The following GALNTL6 variants were observed in gnomAD, a reference collection of about 807,000 sequenced individuals.
GALNTL6 encodes polypeptide N-acetylgalactosaminyltransferase like 6.
A neutral mutation model predicts 73.7 loss-of-function variants in GALNTL6; 46 were observed. The ratio of observed to expected loss-of-function variants is 0.62; its 90% CI spans 0.49 to 0.80. The LOEUF is 0.80. Ranked by LOEUF, GALNTL6 falls within the 30% of genes least tolerant of loss-of-function variation. The pLI, the probability that GALNTL6 is intolerant of heterozygous loss-of-function variation, is 0.00. For missense variants in GALNTL6, 604 were observed against 755.0 expected (o/e 0.80, Z 2.34); for synonymous variants, 259 against 263.7 (o/e 0.98, Z 0.17).
In GALNTL6 at chr4:172,348,611, A is replaced by G; in HGVS notation, c.475A>G (p.Thr159Ala). ...HNEGWTSLLR[T>A]IHSIINRTPG... ...TGAAGGTTGGACTTCACTCCTGCGG[A>G]CCATACACAGTATAATTAACCGAAC... The change falls in exon 5 of 13, where the codon ACC becomes GCC. Residue 159 changes from threonine to alanine, a missense_variant. Coordinates refer to ENST00000506823, the MANE Select transcript of GALNTL6 (RefSeq NM_001034845.3). 6.2e-7 allele frequency: 1 copy of G among 1,612,600 alleles called. No homozygotes were observed. Among genetic ancestry groups the G allele is most frequent in the Non-Finnish European group, 8.5e-7 (1 of 1,178,804 alleles).
chr4:172,229,475 A>G (rs1330626068), intron 2 of GALNTL6, among the ~76,000 whole-genome samples, 181 bp from the exon 3 acceptor site: 3 of 152,190 alleles, frequency 2.0e-5, no homozygotes, highest in Non-Finnish European at 4.4e-5. Flanking sequence ...TAAAGGTTAA[A>G]AAAAAGATTT....
intron 2 of GALNTL6, among the ~76,000 whole-genome samples, chr4:172,043,856 C>G (rs1182245107): frequency 6.6e-6 from 1 of 151,980 alleles, no homozygotes; most frequent in African/African-American, 2.4e-5. Context: ...ATTTTCTGTT[C>G]CATTTAAATG....
At chr4:172,981,065 T>A (rs749891187) in intron 10 of GALNTL6, among the ~76,000 whole-genome samples, 1 of 152,244 alleles carries the variant, frequency 6.6e-6, no homozygotes, top group African/African-American at 2.4e-5. Flanking sequence ...CTCCATTGAA[T>A]GTATATACCA....
chr4:172,831,594 A>G (rs999137751), intron 7 of GALNTL6, among the ~76,000 whole-genome samples: 2 of 152,212 alleles, frequency 1.3e-5, no homozygotes, highest in Non-Finnish European at 2.9e-5. Flanking sequence ...AAGGGGAAAA[A>G]TCACAGGTTT....
intron 7 of GALNTL6, among the ~76,000 whole-genome samples, chr4:172,840,128 C>T (rs1266885852): frequency 6.6e-6 from 1 of 152,092 alleles, no homozygotes; most frequent in African/African-American, 2.4e-5. Flanking sequence ...TAAAAGCATC[C>T]GCAAATGTTC....
intron 2 of GALNTL6, among the ~76,000 whole-genome samples, chr4:172,019,720 T>C (rs191666428): frequency 6.6e-6 from 1 of 152,194 alleles, no homozygotes; most frequent in African/African-American, 2.4e-5. Flanking sequence ...ACAAAAATAA[T>C]AGAGACTTCA....
At chr4:172,085,325 A>T (rs1731997490) in intron 2 of GALNTL6, among the ~76,000 whole-genome samples, 1 of 152,132 alleles carries the variant, frequency 6.6e-6, no homozygotes, top group Admixed American at 6.6e-5. Context: ...TAACACCACA[A>T]CATTCTGGAG....
intron 3 of GALNTL6, among the ~76,000 whole-genome samples, chr4:172,246,522 T>C (rs1737665925): frequency 6.6e-6 from 1 of 152,080 alleles, no homozygotes; most frequent in South Asian, 2.1e-4. Context: ...TGCAGCTTAA[T>C]AAAATACTTT....
intron 5 of GALNTL6, among the ~76,000 whole-genome samples, chr4:172,460,988 T>C (rs1188971004): frequency 3.3e-5 from 5 of 151,986 alleles, no homozygotes; most frequent in African/African-American, 9.7e-5. Context: ...CAATGATAGA[T>C]TGGATAAAAA....
intron 7 of GALNTL6, among the ~76,000 whole-genome samples, chr4:172,831,656 G>C (rs1381878707): frequency 1.3e-5 from 2 of 152,142 alleles, no homozygotes; most frequent in Admixed American, 6.5e-5. Flanking sequence ...GGTCTGAAGG[G>C]CCTTGCTATG....
intron 2 of GALNTL6, among the ~76,000 whole-genome samples, chr4:172,216,622 A>C (rs1469477078): frequency 6.6e-6 from 1 of 152,116 alleles, no homozygotes; most frequent in Non-Finnish European, 1.5e-5. Flanking sequence ...TGAAAAATTC[A>C]TAGTGATTAT....
chr4:172,345,091 ATTGT>A (rs1382431274), intron 4 of GALNTL6, among the ~76,000 whole-genome samples: 1 of 124,452 alleles, frequency 8.0e-6, no homozygotes, highest in African/African-American at 3.9e-5. Flanking sequence ...ATGAAGAGGT[ATTGT>A]TTTTTTTTTT....
chr4:172,278,195 C>A (rs1279911959), intron 3 of GALNTL6, among the ~76,000 whole-genome samples: 3 of 152,080 alleles, frequency 2.0e-5, no homozygotes, highest in Non-Finnish European at 4.4e-5. Context: ...CACACTTTCC[C>A]ATTATTGTAC....
intron 2 of GALNTL6, among the ~76,000 whole-genome samples, chr4:171,963,607 A>C (rs1279016084): frequency 6.6e-6 from 1 of 152,192 alleles, no homozygotes; most frequent in African/African-American, 2.4e-5. Context: ...ATGAAGTAGA[A>C]AGTTAAGGAT....
At chr4:172,924,168 G>C (rs1403241044) in intron 8 of GALNTL6, among the ~76,000 whole-genome samples, 4 of 152,134 alleles carry the variant, frequency 2.6e-5, no homozygotes, top group African/African-American at 9.7e-5. Flanking sequence ...GGTGCGCCTG[G>C]CCCATTCTCT....
rs866996477 is a variant in GALNTL6 at position 171,940,320 on chromosome 4, G to A, written c.138+125602G>A. On this transcript the variant is annotated intron_variant, in intron 2 of 12. Transcript: ENST00000506823. ...GGAAATGGGGAGGGGATGCAAATAA[G>A]AATGTTGTATTCTTATTTGGGGATG... Among the ~76,000 whole-genome samples the A allele has an allele frequency of 2.0e-5, 3 of 147,382 alleles. No individual in the cohort carries two copies. In the East Asian group the frequency reaches 5.8e-4, roughly 29 times the overall value.
At chr4:172,685,915 C>A (rs1474488281) in intron 5 of GALNTL6, among the ~76,000 whole-genome samples, 1 of 152,112 alleles carries the variant, frequency 6.6e-6, no homozygotes, top group Non-Finnish European at 1.5e-5. Flanking sequence ...TCTGAGACAC[C>A]AGATGCTGTA....
chr4:173,015,736 T>C (rs1341851577), intron 11 of GALNTL6, among the ~76,000 whole-genome samples: 1 of 151,906 alleles, frequency 6.6e-6, no homozygotes, highest in African/African-American at 2.4e-5. Context: ...AACGATGAGA[T>C]AGAAAAAAAA....
chr4:172,438,009 G>T (rs971694290), intron 5 of GALNTL6, among the ~76,000 whole-genome samples: 1 of 152,008 alleles, frequency 6.6e-6, no homozygotes, highest in Non-Finnish European at 1.5e-5. Context: ...TTAATCAAAA[G>T]CCCTCATATT....
Sources: gnomAD v4.1 joint callset for allele counts (sites outside exome capture counted in the v4.1 genomes callset) on GRCh38, gnomAD v4.1.1 for gene constraint, MANE v1.5 for transcripts, NCBI Gene and HGNC (gene_info 2026-07-23, HGNC 2026-07-21) for gene names.